The following SLC6A5 variants were observed in gnomAD, a reference collection of about 807,000 sequenced individuals.
SLC6A5 encodes the protein solute carrier family 6 member 5.
In SLC6A5, 58 loss-of-function variants were observed where a neutral mutation model predicts 90.5. That is an observed-to-expected ratio of 0.64 (90% CI 0.52 to 0.80). The LOEUF is 0.80. Ranked by LOEUF, SLC6A5 falls within the 30% of genes least tolerant of loss-of-function variation. The probability of loss-of-function intolerance (pLI) is 0.00; values close to 1 mark genes in which losing one functional copy is unlikely to be tolerated. For missense variants in SLC6A5, 1,015 were observed against 1,017.6 expected (o/e 1.00, Z 0.03); for synonymous variants, 427 against 401.4 (o/e 1.06, Z -0.76).
At chr11:20,637,639 G>C (rs1324755595) in intron 12 of SLC6A5, among the ~76,000 whole-genome samples, 1 of 152,200 alleles carries the variant, frequency 6.6e-6, no homozygotes, top group Non-Finnish European at 1.5e-5. Context: ...TTGAGGCCAG[G>C]AGTTCAAGGT....
At chr11:20,643,540 C>T (rs1436134831) in intron 13 of SLC6A5, among the ~76,000 whole-genome samples, 3 of 152,126 alleles carry the variant, frequency 2.0e-5, no homozygotes, top group African/African-American at 7.2e-5. Flanking sequence ...GCTCAGTCTC[C>T]CCAATAAACA....
At chr11:20,606,328 G>A (rs1361398825) in intron 3 of SLC6A5, among the ~76,000 whole-genome samples, 1 of 152,200 alleles carries the variant, frequency 6.6e-6, no homozygotes, top group East Asian at 1.9e-4. Context: ...TCAAGTGATC[G>A]GTGCCTGGAG....
intron 11 of SLC6A5, 46 bp downstream of exon 11, chr11:20,636,465 A>C (rs373361394): frequency 1.6e-5 from 20 of 1,217,946 alleles, no homozygotes; most frequent in Non-Finnish European, 2.2e-5. Flanking sequence ...CCTCTTGAAG[A>C]CTCCCCCTCT....
chr11:20,637,882 C>T (rs1030423645), intron 12 of SLC6A5, among the ~76,000 whole-genome samples: 2 of 152,132 alleles, frequency 1.3e-5, no homozygotes, highest in Non-Finnish European at 1.5e-5. Flanking sequence ...TTAGCTTACT[C>T]AGTATATATA....
chr11:20,638,356 C>T (rs1325688644), intron 12 of SLC6A5, 103 bp from the exon 13 acceptor site: 4 of 773,834 alleles, frequency 5.2e-6, no homozygotes, highest in Non-Finnish European at 9.4e-6. Context: ...CTCCTGTTTG[C>T]ACCTGACTCT....
Position 20,638,454 on chromosome 11 carries a change from G to A in SLC6A5, c.1870-5G>A. 3 of 1,590,308 alleles carry A rather than the reference G, an allele frequency of 1.9e-6. No homozygotes were observed. Among genetic ancestry groups the A allele is most frequent in the Non-Finnish European group, 2.6e-6 (3 of 1,158,482 alleles). On this transcript the variant is annotated splice_region_variant and splice_polypyrimidine_tract_variant and intron_variant, in intron 12 of 15. Transcript: ENST00000525748. ...TTGATATTGGTTGTTTCTCTCTCCT[G>A]TTAGGGTGGAATTTACATGTTTCAG...
intron 14 of SLC6A5, among the ~76,000 whole-genome samples, chr11:20,651,910 A>AG (rs1314902730): frequency 1.3e-5 from 2 of 151,780 alleles, no homozygotes; most frequent in East Asian, 3.9e-4. Flanking sequence ...TGTCTCAAAA[A>AG]GAAAAAAAAA....
At chr11:20,631,895 G>T (rs986606676) in intron 10 of SLC6A5, among the ~76,000 whole-genome samples, 17 of 152,168 alleles carry the variant, frequency 1.1e-4, no homozygotes, top group African/African-American at 4.1e-4. Context: ...GCTCCCCAAG[G>T]ATAATTCATT....
In SLC6A5 at chr11:20,656,862, C is replaced by T. The variant is rs1853643080; in HGVS notation, c.*1994C>T. 6.6e-6 allele frequency: 1 copy of T among 152,148 alleles called. No individual in the cohort carries two copies. The highest frequency in any genetic ancestry group is 2.4e-5 in the African/African-American group (1 of 41,410). The allele number at this position is 152,148 out of a possible 1,614,324, so 9.4% of individuals were successfully genotyped here. On this transcript the variant is annotated 3_prime_UTR_variant, in exon 16 of 16. Transcript: ENST00000525748. ...TGGCCTCACCTGTCTGCCATGAACA[C>T]AGATTTCTCTAAGAAAGCCATATTG...
chr11:20,640,683 A>G (rs750683486), intron 13 of SLC6A5, among the ~76,000 whole-genome samples: 3 of 120,034 alleles, frequency 2.5e-5, no homozygotes, highest in African/African-American at 9.2e-5. Context: ...ATAAGCTAAC[A>G]TGACTGTTTG....
Position 20,655,048 on chromosome 11 carries a change from T to C in SLC6A5, c.*180T>C. 1.4e-6 allele frequency: 1 copy of C among 707,042 alleles called. No individual in the cohort carries two copies. The highest frequency in any genetic ancestry group is 2.8e-5 in the East Asian group (1 of 35,844). The allele number at this position is 707,042 out of a possible 1,614,324, so 43.8% of individuals were successfully genotyped here. A position where few individuals can be genotyped will look rare whatever the true frequency, so the allele number is the denominator to read the frequency against. On this transcript the variant is annotated 3_prime_UTR_variant, in exon 16 of 16. Transcript: ENST00000525748. ...AGTGTCGCATGCTGCAGTAAAGAGC[T>C]ACATAGACCACCTGAAGCGCTGTTT...
At chr11:20,651,420 C>T (rs1171936377) in intron 14 of SLC6A5, among the ~76,000 whole-genome samples, 5 of 150,698 alleles carry the variant, frequency 3.3e-5, no homozygotes, top group South Asian at 2.1e-4. Context: ...ATTACAGGCG[C>T]GTGCCACCAT....
In SLC6A5 at chr11:20,627,214, A is replaced by G. The variant is rs1314301398; in HGVS notation, c.1395+372A>G. Among the ~76,000 whole-genome samples, 7 of 152,222 alleles carry G rather than the reference A, an allele frequency of 4.6e-5. No homozygotes were observed. In the East Asian group the frequency reaches 1.3e-3, roughly 29 times the overall value. ...TAAACCACAAGCGATTCTATTTTAA[A>G]AATATTTTTACCTGAACCCTTTAAG... On this transcript the variant is annotated intron_variant, in intron 8 of 15. Coordinates refer to ENST00000525748, the MANE Select transcript of SLC6A5 (RefSeq NM_004211.5).
intron 5 of SLC6A5, among the ~76,000 whole-genome samples, chr11:20,614,117 A>T (rs1003968390): frequency 1.3e-5 from 2 of 152,184 alleles, no homozygotes; most frequent in African/African-American, 4.8e-5. Context: ...TAGAGTACTT[A>T]CTAAATGTGG....
At chr11:20,632,570 G>C (rs1345073444) in intron 10 of SLC6A5, among the ~76,000 whole-genome samples, 1 of 152,096 alleles carries the variant, frequency 6.6e-6, no homozygotes, top group Non-Finnish European at 1.5e-5. Flanking sequence ...TCTGGCACAG[G>C]GACGGGTGGG....
At position 20,604,341 on chromosome 11, in the gene SLC6A5, A is replaced by G. The variant is rs1852535414; in HGVS notation, c.596A>G (p.Asp199Gly). Residue 199 changes from aspartate to glycine, a missense_variant, in exon 3 of 16, where the codon GAC (aspartate) becomes GGC (glycine). Asp to Gly is a moderately conservative substitution (Grantham distance 94). This residue lies in a region of SLC6A5 where 567 missense variants were observed against 507.3 expected (regional missense o/e 1.12). Transcript: ENST00000525748. ...KARGNWSSKLDFILSMVGYAV... is the reference protein window; with the variant it reads ...KARGNWSSKLGFILSMVGYAV... ...CGAGGGAACTGGTCCAGCAAACTGG[A>G]CTTCATCCTGTCCATGGTGGGGTAC... The G allele has an allele frequency of 6.2e-7, 1 of 1,614,050 alleles. No homozygotes were observed. Among genetic ancestry groups the G allele is most frequent in the Non-Finnish European group, 8.5e-7 (1 of 1,179,948 alleles).
chr11:20,644,411 C>T (rs1342391704), intron 13 of SLC6A5, among the ~76,000 whole-genome samples: 1 of 152,192 alleles, frequency 6.6e-6, no homozygotes, highest in Non-Finnish European at 1.5e-5. Context: ...GTGACATCAT[C>T]TCCACTCTTT....
At chr11:20,620,957 G>A (rs558037561) in intron 7 of SLC6A5, among the ~76,000 whole-genome samples, 119 of 151,886 alleles carry the variant, frequency 7.8e-4, no homozygotes, top group African/African-American at 2.8e-3. Flanking sequence ...CCACCACCAC[G>A]CCCAGCTAAT....
At chr11:20,650,878 G>A (rs1329111495) in intron 14 of SLC6A5, among the ~76,000 whole-genome samples, 1 of 151,954 alleles carries the variant, frequency 6.6e-6, no homozygotes, top group Admixed American at 6.6e-5. Flanking sequence ...GTGTTAGCCA[G>A]GATGGTCTCG....
Sources: allele counts gnomAD v4.1 joint callset (sites outside exome capture counted in the v4.1 genomes callset), GRCh38; gene constraint gnomAD v4.1.1; regional missense constraint gnomAD v4.1.1; transcripts MANE v1.5; gene names NCBI Gene and HGNC (gene_info 2026-07-23, HGNC 2026-07-21).